The following JAKMIP1 variants were observed in gnomAD, a reference collection of about 807,000 sequenced individuals.
JAKMIP1 encodes the protein janus kinase and microtubule interacting protein 1, also known as janus kinase and microtubule-interacting protein 1.
Under a neutral mutation model 113.0 loss-of-function variants are expected in JAKMIP1, and 33 were observed. The ratio of observed to expected loss-of-function variants is 0.29; its 90% CI spans 0.22 to 0.39. The LOEUF (loss-of-function observed/expected upper bound fraction) is 0.39. Ranked by LOEUF, JAKMIP1 falls within the 10% of genes least tolerant of loss-of-function variation. JAKMIP1 has a pLI of 1.00. For missense variants in JAKMIP1, 813 were observed against 1,080.5 expected, an observed-to-expected ratio of 0.75 and a Z score of 3.47; for synonymous variants, 480 against 459.9, an observed-to-expected ratio of 1.04 and a Z score of -0.56.
chr4:6,170,010 C>G (rs1724197075), intron 1 of JAKMIP1, among the ~76,000 whole-genome samples: 1 of 127,074 alleles, frequency 7.9e-6, no homozygotes, highest in African/African-American at 3.2e-5. Context: ...CCACCACCAC[C>G]CTCACCACCA....
chr4:6,119,621 G>A (rs920911440), intron 1 of JAKMIP1, among the ~76,000 whole-genome samples: 2 of 152,062 alleles, frequency 1.3e-5, no homozygotes, highest in East Asian at 3.8e-4. Context: ...AATGCCGGAA[G>A]GCAACCAGCT....
At chr4:6,175,306 T>G (rs1725215956) in intron 1 of JAKMIP1, among the ~76,000 whole-genome samples, 1 of 152,210 alleles carries the variant, frequency 6.6e-6, no homozygotes, top group East Asian at 1.9e-4. Context: ...TGGGGTCCCT[T>G]CATTCCGCAA....
At chr4:6,119,570 C>A (rs13113277) in intron 1 of JAKMIP1, among the ~76,000 whole-genome samples, 10,654 of 128,428 alleles carry the variant, frequency 0.083, 401 homozygotes, top group Middle Eastern at 0.11. Flanking sequence ...ACAACAACAA[C>A]AAAAAAAAAC....
intron 13 of JAKMIP1, among the ~76,000 whole-genome samples, chr4:6,052,650 T>TAAAAAAAAAAAAAAA (rs762425260): frequency 1.9e-5 from 1 of 53,988 alleles, no homozygotes. Context: ...GACTCTGTCC[T>TAAAAAAAAAAAAAAA]AAAAAAAAAA....
rs1215100324 is a variant in JAKMIP1, at chr4:6,067,742, CTG to C, written c.1303-2736_1303-2735del. ...GAGCTCCACGTTCACTCAAGCTCTT[CTG>C]CACACGCAGGTCACCCCCCTGAGCT... On this transcript the variant is annotated intron_variant, in intron 8 of 20. Coordinates refer to ENST00000409021, the MANE Select transcript of JAKMIP1 (RefSeq NM_001099433.2). The surrounding 1 kb of genome is among the most constrained non-coding windows in gnomAD (Gnocchi z 4.6). Among the ~76,000 whole-genome samples, 1 of 149,372 alleles carries C rather than the reference CTG, an allele frequency of 6.7e-6. No homozygotes were observed. The highest frequency in any genetic ancestry group is 2.5e-5 in the African/African-American group (1 of 39,946).
chr4:6,037,130 T>C lies in JAKMIP1; in HGVS notation c.2176-1023A>G, dbSNP rs1335463089. Among the ~76,000 whole-genome samples, 11 of 126,340 alleles carry C rather than the reference T, an allele frequency of 8.7e-5. 1 individual carries two copies. The highest frequency in any genetic ancestry group is 2.8e-4 in the South Asian group (1 of 3,596). The allele number at this position is 126,340 out of a possible 152,430, so 82.9% of individuals were successfully genotyped here. On this transcript the variant is annotated intron_variant, in intron 18 of 20. Transcript: ENST00000409021. ...AGGCTAACCGGTATCCCTCCATCAC[T>C]GAGTCAGAGGTTAACCCAGTAGCCC...
intron 1 of JAKMIP1, among the ~76,000 whole-genome samples, chr4:6,149,978 G>C (rs747733626): frequency 6.6e-6 from 1 of 152,100 alleles, no homozygotes; most frequent in Non-Finnish European, 1.5e-5. Context: ...CTGCTTACCA[G>C]GAACGTCACC....
intron 5 of JAKMIP1, among the ~76,000 whole-genome samples, chr4:6,083,983 A>G (rs1259519176): frequency 6.6e-6 from 1 of 152,186 alleles, no homozygotes; most frequent in Non-Finnish European, 1.5e-5. Context: ...AAGTAAATAC[A>G]TAAGCACAAA....
intron 1 of JAKMIP1, among the ~76,000 whole-genome samples, chr4:6,163,770 A>G (rs978310641): frequency 6.6e-6 from 1 of 152,240 alleles, no homozygotes; most frequent in Non-Finnish European, 1.5e-5. Flanking sequence ...AAATAATAAG[A>G]AAGTGAAATA....
rs1341542334 is a variant in JAKMIP1 at position 6,196,872 on chromosome 4, AAAAC to A, written c.-148+3377_-148+3380del. ...AAGAAACTCTGTCAAAAAAAAAAAAAAAACAAAAGCACCAAGAAGGCTTTCTGAT... is the reference window on the plus strand; with the variant it reads ...AAGAAACTCTGTCAAAAAAAAAAAAAAAAAGCACCAAGAAGGCTTTCTGAT... On this transcript the variant is annotated intron_variant, in intron 1 of 20. Transcript: ENST00000409021. Among the ~76,000 whole-genome samples the A allele has an allele frequency of 4.6e-3, 696 of 152,114 alleles. 8 individuals carry two copies. Among genetic ancestry groups the A allele is most frequent in the African/African-American group, 0.014 (589 of 41,480 alleles).
intron 1 of JAKMIP1, among the ~76,000 whole-genome samples, chr4:6,165,303 G>C (rs2109009884): frequency 6.6e-6 from 1 of 152,260 alleles, no homozygotes; most frequent in African/African-American, 2.4e-5. Context: ...ATTTTGTTTT[G>C]TTTTGAGACA....
At chr4:6,074,875 C>T (rs547388359) in intron 8 of JAKMIP1, among the ~76,000 whole-genome samples, 3 of 152,222 alleles carry the variant, frequency 2.0e-5, no homozygotes, top group South Asian at 4.1e-4. Context: ...CAGTAGCATG[C>T]GGCACAGGCT....
chr4:6,098,664 AAG>A (rs141010001), intron 3 of JAKMIP1, among the ~76,000 whole-genome samples: 7,096 of 126,146 alleles, frequency 0.056, 536 homozygotes, highest in African/African-American at 0.19. Flanking sequence ...GAAAGGAAGA[AAG>A]AGAGAGAAAG....
At chr4:6,120,185 T>TC (rs1459030266) in intron 1 of JAKMIP1, among the ~76,000 whole-genome samples, 1 of 151,722 alleles carries the variant, frequency 6.6e-6, no homozygotes, top group African/African-American at 2.4e-5. Context: ...CCACACTTTT[T>TC]TTTTTTTTTT....
At chr4:6,113,508 G>C (rs111689729) in intron 1 of JAKMIP1, among the ~76,000 whole-genome samples, 1 of 152,178 alleles carries the variant, frequency 6.6e-6, no homozygotes, top group Non-Finnish European at 1.5e-5. Context: ...TGGACTTTTC[G>C]ATTTCAGAGG....
In JAKMIP1 at chr4:6,154,692, C is replaced by G. The variant is rs1177152165; in HGVS notation, c.-147-41695G>C. On this transcript the variant is annotated intron_variant, in intron 1 of 20. Coordinates refer to ENST00000409021, the MANE Select transcript of JAKMIP1 (RefSeq NM_001099433.2). This position sits in a 1 kb window ranked among gnomAD's most constrained non-coding sequence, Gnocchi z 4.2. The stretch of plus-strand genomic sequence containing the variant: ...AAATGGAATTCTTTTCAATCCGGCC[C>G]GCTGAACCCCTCTTTCAGTTTACTT... Among the ~76,000 whole-genome samples the G allele has an allele frequency of 1.3e-5, 2 of 151,998 alleles. No individual in the cohort carries two copies. The highest frequency in any genetic ancestry group is 4.2e-4 in the South Asian group (2 of 4,816).
chr4:6,101,425 G>A (rs763827270), intron 3 of JAKMIP1, among the ~76,000 whole-genome samples: 3 of 152,040 alleles, frequency 2.0e-5, no homozygotes, highest in Non-Finnish European at 2.9e-5. Flanking sequence ...TTCCATTGAC[G>A]TGTCTCTCTA....
At chr4:6,105,387 G>A (rs1713728699) in intron 3 of JAKMIP1, 86 bp downstream of exon 3, 2 of 1,343,744 alleles carry the variant, frequency 1.5e-6, no homozygotes, top group South Asian at 1.4e-5. Context: ...CTGGAGCACA[G>A]CAGGTCCTCG....
At chr4:6,109,759 C>T (rs1560201522) in intron 2 of JAKMIP1, among the ~76,000 whole-genome samples, 2 of 152,100 alleles carry the variant, frequency 1.3e-5, no homozygotes, top group African/African-American at 2.4e-5. Context: ...TGCTAAAATG[C>T]CAGCACTTTA....
Sources: gnomAD v4.1 joint callset for allele counts (sites outside exome capture counted in the v4.1 genomes callset) on GRCh38, gnomAD v4.1.1 for gene constraint, Gnocchi (gnomAD v3.1) non-coding constraint, MANE v1.5 for transcripts, NCBI Gene and HGNC (gene_info 2026-07-23, HGNC 2026-07-21) for gene names.